FAT1: variants seen among roughly 807,000 people sequenced by gnomAD.
FAT1 encodes protocadherin Fat 1.
FAT1 carries 171 observed loss-of-function variants against 329.8 expected under a neutral mutation model. That is an observed-to-expected ratio of 0.52 (90% CI 0.46 to 0.59). The LOEUF (loss-of-function observed/expected upper bound fraction) is 0.59, where lower values mean the gene tolerates loss of function less well. Ranked by LOEUF, FAT1 falls within the 20% of genes least tolerant of loss-of-function variation. The probability of loss-of-function intolerance (pLI) is 0.00; values close to 1 mark genes in which losing one functional copy is unlikely to be tolerated. For synonymous variants in FAT1, 2,233 were observed against 2,228.6 expected (o/e 1.00, Z -0.06); for missense variants, 5,672 against 5,774.4 (o/e 0.98, Z 0.57).
chr4:186,706,708 C>G lies in FAT1; in HGVS notation c.3120G>C (p.Lys1040Asn), dbSNP rs751716333. The change falls in exon 2 of 27, where the codon AAG (lysine) becomes AAC (asparagine). Residue 1040 changes from lysine (K) to asparagine (N), a missense_variant. Coordinates refer to ENST00000441802, the MANE Select transcript of FAT1 (RefSeq NM_005245.4). Reference protein sequence around the residue: ...HPPVFSSFVEKGTVKEDAPVG... With the variant: ...HPPVFSSFVENGTVKEDAPVG... ...CAGGTGCATCTTCTTTCACTGTCCC[C>G]TTTTCCACAAAGCTGGAAAACACGG... 74 of 1,613,892 alleles carry G rather than the reference C, an allele frequency of 4.6e-5. No individual in the cohort carries two copies. The South Asian group carries it at 7.1e-4, about 16-fold the overall frequency.
At chr4:186,698,335 A>G (rs563362075) in intron 2 of FAT1, among the ~76,000 whole-genome samples, 1 of 152,202 alleles carries the variant, frequency 6.6e-6, no homozygotes, top group Non-Finnish European at 1.5e-5. Flanking sequence ...GTTTCCCCGG[A>G]GACCCCACGA....
At chr4:186,680,031 G>A (rs1743139287) in intron 2 of FAT1, among the ~76,000 whole-genome samples, 1 of 152,242 alleles carries the variant, frequency 6.6e-6, no homozygotes, top group South Asian at 2.1e-4. Context: ...GACCATGAGT[G>A]TCTTCCAATG....
rs774874486 is a variant in FAT1, at chr4:186,634,792, C to A, written c.4184-969G>T. Among the ~76,000 whole-genome samples the A allele has an allele frequency of 3.9e-5, 6 of 152,346 alleles. No homozygotes were observed. In the Middle Eastern group the frequency reaches 0.01, roughly 259 times the overall value. On this transcript the variant is annotated intron_variant, in intron 6 of 26. Transcript: ENST00000441802. ...TGAAAGATGTAAAAAACTTCTCTAG[C>A]AAGCGTGTCTCCTGGCACAGCCAAA... is the stretch of plus-strand genomic sequence containing the variant.
At position 186,620,252 on chromosome 4, in the gene FAT1, T is replaced by C. The variant is rs2126513865; in HGVS notation, c.6334A>G (p.Arg2112Gly). The change falls in exon 10 of 27, where the codon AGA (arginine) becomes GGA (glycine). Residue 2112 changes from arginine (R) to glycine (G), a missense_variant. Physicochemically the swap from Arg to Gly is moderately radical, Grantham distance 125 (BLOSUM62 -2). Around this residue, in one of 2 missense-constraint regions of FAT1, gnomAD observed 3,966 missense variants for 3,915.2 expected, o/e 1.01. Transcript: ENST00000441802. ...YVTAVDRDSG[R>G]NGEVHYYLKE... ...AGGTAGTAATGCACTTCCCCGTTTC[T>C]GCCACTGTCTCTGTCTACAGCAGTG... 6.2e-7 allele frequency: 1 copy of C among 1,614,052 alleles called. No homozygotes were observed.
rs376173860 is a variant in FAT1, at chr4:186,588,905, T to C, written c.13454A>G (p.Asn4485Ser). 1.2e-5 allele frequency: 20 copies of C among 1,613,866 alleles called. No homozygotes were observed. The Middle Eastern group carries it at 8.2e-4, about 66-fold the overall frequency. The change falls in exon 27 of 27, where the codon AAC becomes AGC. Residue 4485 changes from asparagine (N) to serine (S), a missense_variant. Coordinates refer to ENST00000441802, the MANE Select transcript of FAT1 (RefSeq NM_005245.4). ...AAAATTGGGCAAATACTGATTCAAG[T>C]TGAACCTCTGCCGGTTTCTTGATGA... ...GSSSRNRQRFNLNQYLPNFYP... is the reference protein window; with the variant it reads ...GSSSRNRQRFSLNQYLPNFYP...
chr4:186,607,833 T>C (rs1739222386), intron 16 of FAT1, among the ~76,000 whole-genome samples: 1 of 152,106 alleles, frequency 6.6e-6, no homozygotes, highest in African/African-American at 2.4e-5. Flanking sequence ...TGTTCAGCCT[T>C]GCTGCCTCTC....
chr4:186,593,921 A>G (rs1738365296), intron 26 of FAT1, among the ~76,000 whole-genome samples: 1 of 152,200 alleles, frequency 6.6e-6, no homozygotes, highest in African/African-American at 2.4e-5. Flanking sequence ...ACAGACTCTC[A>G]GCAGACTTTC....
At chr4:186,711,518 T>C (rs1744951049) in intron 1 of FAT1, among the ~76,000 whole-genome samples, 1 of 152,172 alleles carries the variant, frequency 6.6e-6, no homozygotes, top group Non-Finnish European at 1.5e-5. Flanking sequence ...AATAAAAAGT[T>C]CAACCTACAG....
At chr4:186,595,413 G>A (rs971576587) in intron 26 of FAT1, among the ~76,000 whole-genome samples, 2 of 151,822 alleles carry the variant, frequency 1.3e-5, no homozygotes, top group African/African-American at 4.8e-5. Context: ...ATTAACTGTT[G>A]TGAAAAAAAG....
intron 2 of FAT1, among the ~76,000 whole-genome samples, chr4:186,699,497 T>G (rs1744198979): frequency 6.6e-6 from 1 of 152,148 alleles, no homozygotes; most frequent in Middle Eastern, 3.2e-3. Context: ...AGTATATATG[T>G]GAATAGTTTC....
At chr4:186,721,644 T>G (rs6824430) in intron 1 of FAT1, among the ~76,000 whole-genome samples, 1 of 152,210 alleles carries the variant, frequency 6.6e-6, no homozygotes, top group African/African-American at 2.4e-5. Flanking sequence ...GGCTGATTGA[T>G]TCTACGTAAA....
chr4:186,674,895 A>G (rs974221488), intron 2 of FAT1, among the ~76,000 whole-genome samples: 2 of 152,048 alleles, frequency 1.3e-5, no homozygotes, highest in African/African-American at 2.4e-5. Flanking sequence ...TTAGCCAAGC[A>G]TGGTGGCAGG....
chr4:186,606,272 G>A (rs2126449142), intron 16 of FAT1, 59 bp from the exon 17 acceptor site: 2 of 1,592,414 alleles, frequency 1.3e-6, no homozygotes, highest in South Asian at 1.1e-5. Context: ...GAGCTCCAAT[G>A]AGGAGTGTCC....
At chr4:186,725,697 TGAGA>T (rs1054736127), upstream of FAT1, among the ~76,000 whole-genome samples, 4 of 152,136 alleles carry the variant, frequency 2.6e-5, no homozygotes, top group African/African-American at 9.7e-5. The surrounding 1 kb of genome is among the most constrained non-coding windows in gnomAD (Gnocchi z 5.4). Context: ...TTATTTTATA[TGAGA>T]GAGAGAAATG....
Position 186,601,360 on chromosome 4 carries a change from T to C in FAT1, c.11549A>G (p.Lys3850Arg). 6.2e-7 allele frequency: 1 copy of C among 1,613,606 alleles called. No homozygotes were observed. The highest frequency in any genetic ancestry group is 8.5e-7 in the Non-Finnish European group (1 of 1,179,532). ...CCTCATGGTCAGTTTCATCTCTAATTTGTTTTCATTTTCCGTCAGACGGTA... is the reference window on the plus strand; with the variant it reads ...CCTCATGGTCAGTTTCATCTCTAATCTGTTTTCATTTTCCGTCAGACGGTA... ...VKYRLTENENKLEMKLTMRLR... is the reference protein window; with the variant it reads ...VKYRLTENENRLEMKLTMRLR... Residue 3850 changes from lysine to arginine, a missense_variant, in exon 21 of 27, where the codon AAA becomes AGA. Physicochemically the swap from Lys to Arg is conservative, Grantham distance 26. Transcript: ENST00000441802.
intron 2 of FAT1, among the ~76,000 whole-genome samples, chr4:186,685,215 G>C (rs955954475): frequency 7.2e-5 from 11 of 152,118 alleles, no homozygotes; most frequent in Non-Finnish European, 1.6e-4. Context: ...CTTCTCACAG[G>C]GAAAGGAAGA....
intron 2 of FAT1, among the ~76,000 whole-genome samples, chr4:186,666,844 A>G (rs1435247193): frequency 6.6e-6 from 1 of 152,222 alleles, no homozygotes; most frequent in Non-Finnish European, 1.5e-5. Context: ...TCAGATTGAG[A>G]GAAATGAGGC....
intron 21 of FAT1, among the ~76,000 whole-genome samples, chr4:186,600,612 G>T (rs1738767436): frequency 6.6e-6 from 1 of 152,204 alleles, no homozygotes; most frequent in Admixed American, 6.5e-5. Flanking sequence ...GAACACATAA[G>T]CATTAGGTAA....
In FAT1 at chr4:186,595,690, A is replaced by G; in HGVS notation, c.13137T>C (p.Asn4379=). 1 of 1,613,936 alleles carries G rather than the reference A, an allele frequency of 6.2e-7. No homozygotes were observed. Among genetic ancestry groups the G allele is most frequent in the Admixed American group, 1.7e-5 (1 of 60,016 alleles). Reference sequence around the variant, plus strand: ...TGTTGCAGCACACTGCTGCCTCACCATTGTCATCGCACGATTCGGACTGGA... The same window carrying G: ...TGTTGCAGCACACTGCTGCCTCACCGTTGTCATCGCACGATTCGGACTGGA... ...SSFQSESCDD[N]GYHWDTSDWM... is the part of the protein sequence containing the mutation. The change falls in exon 26 of 27, where the codon AAT becomes AAC. Residue 4379 remains asparagine (N), a splice_region_variant and synonymous_variant. Coordinates refer to ENST00000441802, the MANE Select transcript of FAT1 (RefSeq NM_005245.4).
Sources: gnomAD v4.1 joint callset for allele counts (sites outside exome capture counted in the v4.1 genomes callset) on GRCh38, gnomAD v4.1.1 for gene constraint, gnomAD v4.1.1 regional missense constraint, Gnocchi (gnomAD v3.1) non-coding constraint, MANE v1.5 for transcripts, NCBI Gene and HGNC (gene_info 2026-07-23, HGNC 2026-07-21) for gene names.